Variants in TMEM235 observed in about 807,000 individuals in gnomAD.
TMEM235 encodes the protein transmembrane protein 235.
In TMEM235, 23 loss-of-function variants were observed where a neutral mutation model predicts 22.9. The observed-to-expected ratio is 1.00, with a 90% confidence interval of 0.72 to 1.42. The LOEUF (loss-of-function observed/expected upper bound fraction) is 1.42, where lower values mean the gene tolerates loss of function less well. TMEM235 is among the 40% of genes most tolerant of loss of function. The probability of loss-of-function intolerance (pLI) is 0.00; values close to 1 mark genes in which losing one functional copy is unlikely to be tolerated. For missense variants in TMEM235, 308 were observed against 299.5 expected (o/e 1.03, Z -0.21); for synonymous variants, 137 against 140.5 (o/e 0.98, Z 0.17).
At chr17:78,231,580 G>T in exon 2 of TMEM235, 2 of 1,304,056 alleles carry the variant, frequency 1.5e-6, no homozygotes, top group Non-Finnish European at 2.0e-6. Context: ...CTGCTGCCTG[G>T]CCGGCCATCC....
At position 78,231,421 on chromosome 17, in the gene TMEM235, TC is replaced by T. The variant is rs2076577067; in HGVS notation, c.-592-9del. ...TGAGTGAATCCAAAACAAGGTTTTT[TC>T]CTTCCGCAGCCCCCCGCCCGGCTGT... On this transcript the variant is annotated splice_polypyrimidine_tract_variant and intron_variant, in intron 1 of 5. Transcript: ENST00000421688. The T allele has an allele frequency of 3.1e-6, 4 of 1,292,202 alleles. No individual in the cohort carries two copies. In the Admixed American group the frequency reaches 7.3e-5, roughly 23 times the overall value. The allele number at this position is 1,292,202 out of a possible 1,614,324, so 80.0% of individuals were successfully genotyped here.
intron 2 of TMEM235, among the ~76,000 whole-genome samples, chr17:78,232,426 C>T (rs1171727374): frequency 2.0e-5 from 3 of 152,190 alleles, no homozygotes; most frequent in Non-Finnish European, 2.9e-5. Flanking sequence ...GGGAGGGAGC[C>T]CAGTTCGGGG....
At chr17:78,232,453 G>C (rs1002413408) in intron 2 of TMEM235, among the ~76,000 whole-genome samples, 1 of 152,220 alleles carries the variant, frequency 6.6e-6, no homozygotes, top group African/African-American at 2.4e-5. Flanking sequence ...ACAGCCGGAG[G>C]AGGGGGCTGT....
intron 4 of TMEM235, among the ~76,000 whole-genome samples, chr17:78,236,306 T>C (rs987809693): frequency 3.3e-5 from 5 of 152,110 alleles, no homozygotes; most frequent in Non-Finnish European, 7.4e-5. Context: ...GAGCAAGGGT[T>C]CCGGGGTTTG....
chr17:78,231,804 C>T, exon 2 of TMEM235: 1 of 1,211,500 alleles, frequency 8.3e-7, no homozygotes, highest in Non-Finnish European at 1.1e-6. Flanking sequence ...TCCTTTCCCC[C>T]AGGGGCGAGC....
chr17:78,235,815 A>T (rs2076636940), intron 4 of TMEM235, among the ~76,000 whole-genome samples: 1 of 151,640 alleles, frequency 6.6e-6, no homozygotes, highest in South Asian at 2.1e-4. Context: ...GTTAGCCAGG[A>T]TGGTCTCAAT....
At chr17:78,231,959 G>A in exon 2 of TMEM235, 2 of 1,019,480 alleles carry the variant, frequency 2.0e-6, no homozygotes, top group Non-Finnish European at 2.4e-6. Context: ...TCCCGGCTCC[G>A]CGCGCCCCCC....
At chr17:78,236,568 A>G (rs549376437) in intron 4 of TMEM235, among the ~76,000 whole-genome samples, 1 of 152,252 alleles carries the variant, frequency 6.6e-6, no homozygotes, top group East Asian at 1.9e-4. Context: ...CTTCACCCCC[A>G]CTGGTGCTGT....
chr17:78,240,271 C>T (rs1276335659), exon 6 of TMEM235: 10 of 299,320 alleles, frequency 3.3e-5, no homozygotes, highest in Non-Finnish European at 5.0e-5. Context: ...TCAAAGGGGG[C>T]CTGGCTGAGG....
chr17:78,238,618 A>T lies in TMEM235; in HGVS notation c.410-406A>T, dbSNP rs1475626257. 7.1e-6 allele frequency among the ~76,000 whole-genome samples: 1 copy of T among 141,186 alleles called. No homozygotes were observed. Among genetic ancestry groups the T allele is most frequent in the Non-Finnish European group, 1.5e-5 (1 of 64,638 alleles). 92.6% of individuals were successfully genotyped at this position (141,186 alleles called of 152,430 possible). On this transcript the variant is annotated intron_variant, in intron 4 of 5. Transcript: ENST00000421688. This position sits in a 1 kb window ranked among gnomAD's most constrained non-coding sequence, Gnocchi z 4.3. ...TGCAAATGTGTTCGTGTAGGTGTGC[A>T]TGTGCATGTGTGTGCTGGGGGCCAT...
chr17:78,238,373 C>T lies in TMEM235; in HGVS notation c.410-651C>T, dbSNP rs1232756490. 1.3e-5 allele frequency among the ~76,000 whole-genome samples: 2 copies of T among 151,962 alleles called. No individual in the cohort carries two copies. The highest frequency in any genetic ancestry group is 2.9e-5 in the Non-Finnish European group (2 of 67,988). On this transcript the variant is annotated intron_variant, in intron 4 of 5. Coordinates refer to ENST00000421688, the Ensembl canonical transcript of TMEM235. The surrounding 1 kb of genome is among the most constrained non-coding windows in gnomAD (Gnocchi z 4.3). ...GCAGGCATCCTCCCCTGGGGAAGGGCCTGAAACTCAGAGCTGGGAGGACAG... is the reference window on the plus strand; with the variant it reads ...GCAGGCATCCTCCCCTGGGGAAGGGTCTGAAACTCAGAGCTGGGAGGACAG...
rs1216355917 is a variant in TMEM235, at chr17:78,238,662, G to C, written c.410-362G>C. ...GGGCCATGGAGGGTACAGAGTGTGT[G>C]GGGGGCAGTTATGTGAGTGGGAACC... On this transcript the variant is annotated intron_variant, in intron 4 of 5. Coordinates refer to ENST00000421688, the Ensembl canonical transcript of TMEM235. The surrounding 1 kb of genome is among the most constrained non-coding windows in gnomAD (Gnocchi z 4.3). Among the ~76,000 whole-genome samples the C allele has an allele frequency of 6.6e-6, 1 of 151,444 alleles. No individual in the cohort carries two copies. The highest frequency in any genetic ancestry group is 1.9e-4 in the East Asian group (1 of 5,152).
exon 6 of TMEM235, chr17:78,239,817 C>T (rs1006702704): frequency 7.7e-6 from 12 of 1,550,882 alleles, no homozygotes; most frequent in Non-Finnish European, 7.0e-6. Context: ...GAGGGACCCA[C>T]CCAGATCGCC....
chr17:78,232,288 C>T, intron 2 of TMEM235, 75 bp downstream of exon 1: 7 of 1,320,310 alleles, frequency 5.3e-6, no homozygotes, highest in Non-Finnish European at 6.8e-6. Context: ...CCGCCCTGCT[C>T]GTGTTGCCCC....
intron 3 of TMEM235, 193 bp from the exon 3 acceptor site, chr17:78,234,400 G>A (rs978046777): frequency 2.4e-5 from 20 of 835,596 alleles, no homozygotes; most frequent in Admixed American, 1.2e-4. Context: ...TTCTGGGGAC[G>A]CCTCCCCTCC....
At chr17:78,231,852 AC>A (rs2076583280) in exon 2 of TMEM235, 3 of 1,163,454 alleles carry the variant, frequency 2.6e-6, no homozygotes, top group Non-Finnish European at 2.2e-6. Context: ...TCTCCCTGCG[AC>A]CCCAGGGGGC....
At chr17:78,232,026 G>C (rs1312298646) in exon 2 of TMEM235, 3 of 1,268,680 alleles carry the variant, frequency 2.4e-6, no homozygotes, top group Non-Finnish European at 3.0e-6. Flanking sequence ...CCGCCCCCAT[G>C]GCCCGGCTGG....
chr17:78,234,118 G>T lies in TMEM235; in HGVS notation c.271+143G>T, dbSNP rs144427276. 1.5e-4 allele frequency: 120 copies of T among 777,328 alleles called. 1 individual carries two copies. In the African/African-American group the frequency reaches 1.8e-3, roughly 11 times the overall value. The allele number at this position is 777,328 out of a possible 1,614,324, so 48.2% of individuals were successfully genotyped here. ...GACGTTTCCACGCAGACCTGTCCCA[G>T]TGCTGTGCTGCTGTCCCTAACCACA... On this transcript the variant is annotated intron_variant, in intron 3 of 5. Transcript: ENST00000421688.
At chr17:78,239,997 C>G in exon 6 of TMEM235, 1 of 1,538,676 alleles carries the variant, frequency 6.5e-7, no homozygotes, top group South Asian at 1.2e-5. Flanking sequence ...TACCCCTCTG[C>G]CCCCTCCCTT....
Sources: allele counts gnomAD v4.1 joint callset (sites outside exome capture counted in the v4.1 genomes callset), GRCh38; gene constraint gnomAD v4.1.1; non-coding constraint Gnocchi (gnomAD v3.1); transcripts MANE v1.5; gene names NCBI Gene and HGNC (gene_info 2026-07-23, HGNC 2026-07-21).